Variants in ASDURF observed in about 807,000 individuals in gnomAD.
The protein encoded by ASDURF is ASDURF protein.
A neutral mutation model predicts 3.3 loss-of-function variants in ASDURF; 3 were observed. That is an observed-to-expected ratio of 0.92 (90% CI 0.42 to 2.37). ASDURF has a LOEUF of 2.37. Ranked by LOEUF, ASDURF falls within the 30% of genes most tolerant of loss-of-function variation. ASDURF has a pLI of 0.05. For synonymous variants in ASDURF, 11 were observed against 8.3 expected, an observed-to-expected ratio of 1.32 and a Z score of -0.55; for missense variants, 23 against 25.4, an observed-to-expected ratio of 0.90 and a Z score of 0.21.
intron 2 of ASDURF, among the ~76,000 whole-genome samples, 189 bp downstream of exon 2, chr2:189,664,143 CT>C (rs1254313303): frequency 3.9e-5 from 6 of 152,046 alleles, no homozygotes; most frequent in Non-Finnish European, 8.8e-5. Context: ...CTGAAGATGT[CT>C]TTTTTCTATC....
intron 1 of ASDURF, 22 bp from the exon 2 acceptor site, chr2:189,663,876 AAGG>A: frequency 2.6e-6 from 1 of 385,436 alleles, no homozygotes; most frequent in Middle Eastern, 6.7e-4. Context: ...CATCTGACTT[AAGG>A]AGTTTTTCTT....
chr2:189,665,592 ATATGTG>A (rs2032769313), intron 3 of ASDURF, 141 bp downstream of exon 3: 3 of 12,770 alleles, frequency 2.3e-4, no homozygotes, highest in Admixed American at 1.7e-3. Flanking sequence ...AGTTATATAT[ATATGTG>A]TATATATATA....
intron 2 of ASDURF, among the ~76,000 whole-genome samples, chr2:189,664,442 A>G (rs1223781505): frequency 6.6e-6 from 1 of 152,248 alleles, no homozygotes; most frequent in African/African-American, 2.4e-5. Context: ...CAAACAAGTA[A>G]GCTACTGCTT....
chr2:189,662,659 G>T (rs78329282), intron 1 of ASDURF, among the ~76,000 whole-genome samples: 5,120 of 152,270 alleles, frequency 0.034, 105 homozygotes, highest in South Asian at 0.069. Flanking sequence ...TGAGGTGTGT[G>T]TGAGGTAGCA....
Position 189,666,117 on chromosome 2 carries a change from C to A in ASDURF, c.*6C>A. 3 of 1,502,946 alleles carry A rather than the reference C, an allele frequency of 2.0e-6. No homozygotes were observed. The highest frequency in any genetic ancestry group is 1.4e-5 in the South Asian group (1 of 69,966). 93.1% of individuals were successfully genotyped at this position (1,502,946 alleles called of 1,614,324 possible). On this transcript the variant is annotated 3_prime_UTR_variant, in exon 4 of 4. Coordinates refer to ENST00000607829, the MANE Select transcript of ASDURF (RefSeq NM_001353493.2). ...AGACCAAAATCAAGAAATAGTCAAC[C>A]TGATTTCACATAACAATGTGTGGCA...
chr2:189,665,596 G>GTATATA (rs71023704), intron 3 of ASDURF, 145 bp downstream of exon 3: 16 of 111,482 alleles, frequency 1.4e-4, no homozygotes, highest in African/African-American at 5.6e-4. Context: ...ATATATATAT[G>GTATATA]TGTATATATA....
intron 1 of ASDURF, among the ~76,000 whole-genome samples, chr2:189,663,417 C>A (rs2032716179): frequency 6.6e-6 from 1 of 152,024 alleles, no homozygotes; most frequent in South Asian, 2.1e-4. Flanking sequence ...CTACGCTTGG[C>A]TAATTTTGTA....
intron 2 of ASDURF, among the ~76,000 whole-genome samples, chr2:189,664,222 C>T (rs2032735654): frequency 6.6e-6 from 1 of 152,126 alleles, no homozygotes; most frequent in Non-Finnish European, 1.5e-5. Flanking sequence ...GAGCTATAAT[C>T]ACTAATGATG....
intron 3 of ASDURF, among the ~76,000 whole-genome samples, 183 bp downstream of exon 3, chr2:189,665,634 A>ATATATATG (rs2032782805): frequency 1.6e-5 from 2 of 124,596 alleles, no homozygotes; most frequent in African/African-American, 5.9e-5. Context: ...ATATATATAT[A>ATATATATG]TATATATATA....
intron 1 of ASDURF, among the ~76,000 whole-genome samples, chr2:189,662,890 A>G (rs942810025): frequency 6.8e-6 from 1 of 147,482 alleles, no homozygotes; most frequent in Admixed American, 6.9e-5. Context: ...TCAAAGCTGC[A>G]GTGAGCCGTG....
intron 2 of ASDURF, among the ~76,000 whole-genome samples, chr2:189,664,227 A>G (rs1574277013): frequency 1.3e-5 from 2 of 152,196 alleles, no homozygotes; most frequent in African/African-American, 2.4e-5. Flanking sequence ...ATAATCACTA[A>G]TGATGTTTTA....
intron 1 of ASDURF, among the ~76,000 whole-genome samples, chr2:189,663,051 T>TA (rs1202268721): frequency 6.6e-6 from 1 of 151,938 alleles, no homozygotes; most frequent in Non-Finnish European, 1.5e-5. Flanking sequence ...TGATAGGTCT[T>TA]ACTGTCCCCA....
chr2:189,663,084 A>G (rs1434050193), intron 1 of ASDURF, among the ~76,000 whole-genome samples: 3 of 152,074 alleles, frequency 2.0e-5, no homozygotes, highest in African/African-American at 7.2e-5. Context: ...CTTGATTTGA[A>G]TGTTTGACTG....
Position 189,666,291 on chromosome 2 carries a change from C to T in ASDURF, c.*180C>T. On this transcript the variant is annotated 3_prime_UTR_variant, in exon 4 of 4. Coordinates refer to ENST00000607829, the MANE Select transcript of ASDURF (RefSeq NM_001353493.2). ...ACCAGTGTTTATTTTCTGCTCACGTCCTACACTTGAGGGGTGTTTTGACTA... is the reference window on the plus strand; with the variant it reads ...ACCAGTGTTTATTTTCTGCTCACGTTCTACACTTGAGGGGTGTTTTGACTA... 1 of 1,614,068 alleles carries T rather than the reference C, an allele frequency of 6.2e-7. No homozygotes were observed. Among genetic ancestry groups the T allele is most frequent in the Non-Finnish European group, 8.5e-7 (1 of 1,179,988 alleles).
chr2:189,664,350 T>A (rs1160026292), intron 2 of ASDURF, among the ~76,000 whole-genome samples: 1 of 152,218 alleles, frequency 6.6e-6, no homozygotes, highest in Non-Finnish European at 1.5e-5. Flanking sequence ...ATACATTGCT[T>A]CCCCTCCCTC....
intron 3 of ASDURF, 29 bp from the exon 4 acceptor site, chr2:189,666,012 T>C (rs1304747411): frequency 2.6e-6 from 3 of 1,132,146 alleles, no homozygotes; most frequent in Non-Finnish European, 3.6e-6. Context: ...TTTATGTTAT[T>C]TAATATTTAT....
chr2:189,663,348 G>A (rs1215226040), intron 1 of ASDURF, among the ~76,000 whole-genome samples: 1 of 151,966 alleles, frequency 6.6e-6, no homozygotes, highest in African/African-American at 2.4e-5. Context: ...CCGCCTCCCG[G>A]GTTCAAGCAG....
At chr2:189,665,844 G>A (rs146355203) in intron 3 of ASDURF, among the ~76,000 whole-genome samples, 197 bp from the exon 4 acceptor site, 4 of 151,584 alleles carry the variant, frequency 2.6e-5, no homozygotes, top group Admixed American at 6.6e-5. Flanking sequence ...ATCAGCACTC[G>A]GCAAAACAGA....
intron 1 of ASDURF, 142 bp downstream of exon 1, chr2:189,661,752 TTGACAGCCAC>T: frequency 5.0e-6 from 2 of 397,596 alleles, no homozygotes; most frequent in Non-Finnish European, 8.9e-6. Context: ...TTCATAGCAC[TTGACAGCCAC>T]AGTTAGTCCT....
Sources: gnomAD v4.1 joint callset for allele counts (sites outside exome capture counted in the v4.1 genomes callset) on GRCh38, gnomAD v4.1.1 for gene constraint, MANE v1.5 for transcripts, NCBI Gene and HGNC (gene_info 2026-07-23, HGNC 2026-07-21) for gene names.